The following ZFTRAF1 variants were observed in gnomAD, a reference collection of about 807,000 sequenced individuals.
The protein encoded by ZFTRAF1 is zinc finger TRAF-type-containing protein 1.
the ZFTRAF1 span, chr8:144,450,246 G>C: frequency 1.6e-6 from 1 of 617,718 alleles, no homozygotes. Context: ...GACTTGCCCT[G>C]TGTTGGCTTC....
At chr8:144,455,598 C>G in the ZFTRAF1 span, 1 of 152,342 alleles carries the variant, frequency 6.6e-6, no homozygotes, top group African/African-American at 2.4e-5. Flanking sequence ...GTGGCCAGCT[C>G]TAAACACCTC....
the ZFTRAF1 span, chr8:144,452,323 C>G: frequency 3.9e-6 from 6 of 1,543,338 alleles, no homozygotes; most frequent in Non-Finnish European, 4.4e-6. Context: ...CCAACCCACA[C>G]CTGTGTGGCA....
the ZFTRAF1 span, chr8:144,450,545 T>C: frequency 1.4e-6 from 1 of 718,218 alleles, no homozygotes; most frequent in Non-Finnish European, 2.6e-6. Flanking sequence ...CACGTCGTCG[T>C]AGGGGCCCTT....
the ZFTRAF1 span, among the ~76,000 whole-genome samples, chr8:144,458,195 T>C: frequency 3.3e-5 from 5 of 152,242 alleles, no homozygotes; most frequent in Non-Finnish European, 7.3e-5. Context: ...CCACCCAGGC[T>C]GGATTTGAAG....
chr8:144,460,933 G>A, the ZFTRAF1 span, among the ~76,000 whole-genome samples: 3 of 152,222 alleles, frequency 2.0e-5, no homozygotes, highest in Admixed American at 6.5e-5. Flanking sequence ...TTGTGAGCCA[G>A]GAAAAAGGAG....
At chr8:144,452,604 G>A in the ZFTRAF1 span, 371 of 1,520,892 alleles carry the variant, frequency 2.4e-4, 2 homozygotes, top group African/African-American at 4.6e-3. Context: ...CACAGACTGA[G>A]CCCCGAACAG....
the ZFTRAF1 span, chr8:144,452,200 T>C: frequency 2.4e-6 from 2 of 837,468 alleles, no homozygotes; most frequent in Non-Finnish European, 3.9e-6. Context: ...GCCTGTCTTC[T>C]CGACCGAGGT....
the ZFTRAF1 span, chr8:144,450,849 C>G: frequency 1.6e-6 from 1 of 616,252 alleles, no homozygotes; most frequent in Non-Finnish European, 3.0e-6. Context: ...CCTGACCAGG[C>G]CGAGGGCAGG....
the ZFTRAF1 span, among the ~76,000 whole-genome samples, chr8:144,461,721 T>C: frequency 1.3e-5 from 2 of 152,184 alleles, no homozygotes; most frequent in African/African-American, 4.8e-5. Flanking sequence ...CTCCTTACTG[T>C]TCTTCAGGAT....
At chr8:144,461,588 G>A in the ZFTRAF1 span, among the ~76,000 whole-genome samples, 2 of 152,212 alleles carry the variant, frequency 1.3e-5, no homozygotes, top group Admixed American at 1.3e-4. Flanking sequence ...GGGTGAGGTG[G>A]GCAGGAGCCT....
the ZFTRAF1 span, among the ~76,000 whole-genome samples, chr8:144,458,087 C>T: frequency 1.3e-5 from 2 of 152,258 alleles, no homozygotes; most frequent in Non-Finnish European, 2.9e-5. Context: ...CCCGCGTGCT[C>T]GGCCCCTAAC....
the ZFTRAF1 span, chr8:144,456,976 T>C: frequency 1.5e-5 from 2 of 132,028 alleles, no homozygotes; most frequent in South Asian, 5.0e-4. Flanking sequence ...AAAGGGAGTA[T>C]TGACATTACA....
At chr8:144,460,484 G>A in the ZFTRAF1 span, among the ~76,000 whole-genome samples, 3 of 152,228 alleles carry the variant, frequency 2.0e-5, no homozygotes, top group African/African-American at 7.2e-5. Context: ...ACCAGGTCCA[G>A]CTACAGCTCC....
the ZFTRAF1 span, chr8:144,452,027 G>C: frequency 5.1e-6 from 2 of 391,802 alleles, no homozygotes; most frequent in Non-Finnish European, 9.8e-6. Flanking sequence ...CCACTTTCTG[G>C]TTAGACCCTG....
At chr8:144,452,087 T>A in the ZFTRAF1 span, 1 of 506,010 alleles carries the variant, frequency 2.0e-6, no homozygotes, top group Middle Eastern at 3.5e-4. Context: ...CTTGCAGGGA[T>A]GGTGAAGCCA....
At chr8:144,462,128 C>A in the ZFTRAF1 span, among the ~76,000 whole-genome samples, 1 of 152,160 alleles carries the variant, frequency 6.6e-6, no homozygotes, top group East Asian at 1.9e-4. Context: ...GCCGCTGGAG[C>A]CCCGCTGGGC....
At chr8:144,458,864 C>G in the ZFTRAF1 span, among the ~76,000 whole-genome samples, 1 of 152,230 alleles carries the variant, frequency 6.6e-6, no homozygotes, top group Non-Finnish European at 1.5e-5. Flanking sequence ...TGTGCAGGGC[C>G]GAGTTAGAGG....
the ZFTRAF1 span, among the ~76,000 whole-genome samples, chr8:144,459,950 G>C: frequency 6.6e-6 from 1 of 152,244 alleles, no homozygotes; most frequent in African/African-American, 2.4e-5. Context: ...GAATATGGTA[G>C]ACTGAACCCA....
chr8:144,449,979 G>A, the ZFTRAF1 span: 676 of 224,050 alleles, frequency 3.0e-3, 7 homozygotes, highest in African/African-American at 0.014. Flanking sequence ...CGGATATCCC[G>A]TCTGATGTCA....
Sources: allele counts gnomAD v4.1 joint callset (sites outside exome capture counted in the v4.1 genomes callset), GRCh38; gene constraint gnomAD v4.1.1; transcripts MANE v1.5; gene names NCBI Gene and HGNC (gene_info 2026-07-23, HGNC 2026-07-21).